The following DCLK2 variants were observed in gnomAD, a reference collection of about 807,000 sequenced individuals.
DCLK2 encodes serine/threonine-protein kinase DCLK2.
In DCLK2, 31 loss-of-function variants were observed where a neutral mutation model predicts 78.4. The observed-to-expected ratio is 0.40, with a 90% CI of 0.30 to 0.53. DCLK2 has a LOEUF of 0.53. Ranked by LOEUF, DCLK2 falls within the 20% of genes least tolerant of loss-of-function variation. The pLI, the probability that DCLK2 is intolerant of heterozygous loss-of-function variation, is 0.61. For missense variants in DCLK2, 872 were observed against 973.7 expected (o/e 0.90, Z 1.39); for synonymous variants, 407 against 374.9 (o/e 1.09, Z -0.99).
intron 6 of DCLK2, 50 bp from the exon 7 acceptor site, chr4:150,221,627 G>A (rs571606085): frequency 5.9e-6 from 7 of 1,193,430 alleles, no homozygotes; most frequent in African/African-American, 1.6e-5. Flanking sequence ...GTAGGAATCT[G>A]TATAAAATGC....
At chr4:150,135,346 A>G (rs1325751778) in intron 2 of DCLK2, among the ~76,000 whole-genome samples, 3 of 152,216 alleles carry the variant, frequency 2.0e-5, no homozygotes, top group Non-Finnish European at 4.4e-5. Flanking sequence ...CCTTTAATGC[A>G]AGAATACCTT....
intron 1 of DCLK2, among the ~76,000 whole-genome samples, chr4:150,084,197 A>T (rs1163838338): frequency 1.3e-5 from 2 of 152,184 alleles, no homozygotes; most frequent in Admixed American, 6.5e-5. Context: ...CTGTTTTTGC[A>T]CTCAACTGAG....
chr4:150,122,906 C>G (rs1343150898), intron 2 of DCLK2, among the ~76,000 whole-genome samples: 2 of 152,216 alleles, frequency 1.3e-5, no homozygotes, highest in Admixed American at 6.5e-5. Flanking sequence ...CATGAACCAA[C>G]TTGTGCTAGC....
chr4:150,098,787 C>T (rs1432379107), intron 1 of DCLK2, among the ~76,000 whole-genome samples: 2 of 151,236 alleles, frequency 1.3e-5, no homozygotes, highest in Non-Finnish European at 2.9e-5. Context: ...TCTCTGCCTC[C>T]TGGGTTCAGG....
intron 2 of DCLK2, among the ~76,000 whole-genome samples, chr4:150,179,172 C>A (rs570653098): frequency 6.6e-6 from 1 of 152,058 alleles, no homozygotes; most frequent in South Asian, 2.1e-4. Context: ...GGACTACAGG[C>A]GCCCGCCACC....
chr4:150,256,051 TCTG>T lies in DCLK2; in HGVS notation c.2107_2109del (p.Cys703del). The T allele has an allele frequency of 6.2e-7, 1 of 1,612,996 alleles. No homozygotes were observed. The highest frequency in any genetic ancestry group is 1.7e-4 in the Middle Eastern group (1 of 6,060). ...GCTCTAGATAAGGAGGGGCAGATTTTCTGCAGCAAGCACTGTCAAGACAGCGGC... is the reference window on the plus strand; with the variant it reads ...GCTCTAGATAAGGAGGGGCAGATTTTCAGCAAGCACTGTCAAGACAGCGGC... On this transcript the variant is annotated inframe_deletion, in exon 16 of 16. Transcript: ENST00000296550.
chr4:150,257,150 A>G lies in DCLK2; in HGVS notation c.*903A>G, dbSNP rs1744628119. The G allele has an allele frequency of 6.6e-6, 1 of 152,506 alleles. No homozygotes were observed. The allele number at this position is 152,506 out of a possible 1,614,324, so 9.4% of individuals were successfully genotyped here. On this transcript the variant is annotated 3_prime_UTR_variant, in exon 16 of 16. Coordinates refer to ENST00000296550, the MANE Select transcript of DCLK2 (RefSeq NM_001040260.4). ...CCCCGGTAGCTGCTTCCTCATCTGCATTTCATCTGGAGCAGGGCAGGTAAC... is the reference window on the plus strand; with the variant it reads ...CCCCGGTAGCTGCTTCCTCATCTGCGTTTCATCTGGAGCAGGGCAGGTAAC...
At chr4:150,253,135 G>A (rs572365714) in intron 15 of DCLK2, 100 of 459,910 alleles carry the variant, frequency 2.2e-4, no homozygotes, top group African/African-American at 1.2e-3. Flanking sequence ...TCCTCCTCAC[G>A]TCACTGTGTG....
intron 2 of DCLK2, among the ~76,000 whole-genome samples, chr4:150,111,124 A>G (rs952417297): frequency 1.3e-5 from 2 of 152,168 alleles, no homozygotes; most frequent in African/African-American, 4.8e-5. Flanking sequence ...ATTCCCCTTC[A>G]CTACATCCAC....
At position 150,104,394 on chromosome 4, in the gene DCLK2, T is replaced by TAAAAAAAAAAAAAAAAAAAAAAAAAAAA. The variant is rs34276664; in HGVS notation, c.756+1584_756+1611dup. On this transcript the variant is annotated intron_variant, in intron 2 of 15. Transcript: ENST00000296550. ...TGGTGACAAAAAAGACCACATCTCC[T>TAAAAAAAAAAAAAAAAAAAAAAAAAAAA]AAAAAAAAAAAAAAAAAAAAAAAAA... Among the ~76,000 whole-genome samples, 9 of 29,754 alleles carry TAAAAAAAAAAAAAAAAAAAAAAAAAAAA rather than the reference T, an allele frequency of 3.0e-4. 2 individuals are homozygous for TAAAAAAAAAAAAAAAAAAAAAAAAAAAA. Among genetic ancestry groups the TAAAAAAAAAAAAAAAAAAAAAAAAAAAA allele is most frequent in the Non-Finnish European group, 3.8e-4 (7 of 18,198 alleles). 19.5% of individuals were successfully genotyped at this position (29,754 alleles called of 152,430 possible).
chr4:150,233,669 T>C (rs927964713), intron 10 of DCLK2, among the ~76,000 whole-genome samples: 37 of 152,242 alleles, frequency 2.4e-4, no homozygotes, highest in South Asian at 4.1e-4. Flanking sequence ...TTTATCCTAT[T>C]ATTCTACAGA....
intron 8 of DCLK2, among the ~76,000 whole-genome samples, chr4:150,228,205 C>T (rs1741762521): frequency 6.6e-6 from 1 of 152,248 alleles, no homozygotes; most frequent in South Asian, 2.1e-4. Flanking sequence ...CCCTTCATCA[C>T]ATCTGCAGAA....
At chr4:150,232,553 TC>T (rs1033215483) in intron 9 of DCLK2, 97 bp downstream of exon 9, 3 of 1,543,148 alleles carry the variant, frequency 1.9e-6, no homozygotes, top group Admixed American at 3.6e-5. Context: ...CTCATAACTT[TC>T]ATTATTTATA....
intron 2 of DCLK2, among the ~76,000 whole-genome samples, chr4:150,117,096 C>G (rs917780496): frequency 1.3e-5 from 2 of 152,126 alleles, no homozygotes; most frequent in African/African-American, 4.8e-5. Flanking sequence ...GGACTGCACT[C>G]TGGTTTTTCA....
chr4:150,124,351 T>C (rs1239127597), intron 2 of DCLK2, among the ~76,000 whole-genome samples: 1 of 152,166 alleles, frequency 6.6e-6, no homozygotes, highest in Non-Finnish European at 1.5e-5. Flanking sequence ...TTTTGTTTTG[T>C]AGTGGTTTAT....
Position 150,249,589 on chromosome 4 carries a change from A to G in DCLK2, c.1978A>G (p.Asn660Asp), listed in dbSNP as rs1318032529. 1.2e-6 allele frequency: 2 copies of G among 1,613,596 alleles called. No individual in the cohort carries two copies. Among genetic ancestry groups the G allele is most frequent in the Non-Finnish European group, 1.7e-6 (2 of 1,179,950 alleles). ...GTAGGATGATGCCTCCCAGGAGAAT[A>G]ACATGCAAGCTGAGGTGACAGGTAA... ...WVSDDASQEN[N>D]MQAEVTGKLK... The change falls in exon 15 of 16, where the codon AAC becomes GAC. Residue 660 changes from asparagine to aspartate, a missense_variant. Around this residue, in one of 3 missense-constraint regions of DCLK2, gnomAD observed 219 missense variants for 230.1 expected, o/e 0.95. Transcript: ENST00000296550.
chr4:150,203,330 A>G (rs893231984), intron 4 of DCLK2, among the ~76,000 whole-genome samples: 2 of 152,210 alleles, frequency 1.3e-5, no homozygotes, highest in Non-Finnish European at 2.9e-5. Context: ...ATGTGTTTGT[A>G]TTATGGTGTA....
intron 5 of DCLK2, among the ~76,000 whole-genome samples, chr4:150,214,551 A>G (rs1740535861): frequency 6.6e-6 from 1 of 152,182 alleles, no homozygotes. Context: ...GAACATATCC[A>G]TGCTCATCTG....
intron 10 of DCLK2, among the ~76,000 whole-genome samples, chr4:150,238,823 G>A (rs1742694058): frequency 6.6e-6 from 1 of 152,078 alleles, no homozygotes; most frequent in Admixed American, 6.5e-5. Context: ...CAGATGTGTG[G>A]ACTTGTTATG....
Sources: gnomAD v4.1 joint callset for allele counts (sites outside exome capture counted in the v4.1 genomes callset) on GRCh38, gnomAD v4.1.1 for gene constraint, gnomAD v4.1.1 regional missense constraint, MANE v1.5 for transcripts, NCBI Gene and HGNC (gene_info 2026-07-23, HGNC 2026-07-21) for gene names.